Variants in LIMS4 observed in about 807,000 individuals in gnomAD.
LIMS4 encodes LIM zinc finger domain containing 4.
the LIMS4 span, among the ~76,000 whole-genome samples, chr2:110,368,240 T>C: frequency 1.4e-4 from 21 of 148,504 alleles, no homozygotes; most frequent in East Asian, 3.2e-3. Context: ...AGGAAACATA[T>C]ATTTATGAGC....
chr2:110,411,779 T>A, the LIMS4 span, among the ~76,000 whole-genome samples: 1 of 77,498 alleles, frequency 1.3e-5, no homozygotes, highest in Admixed American at 1.6e-4. Flanking sequence ...ATCTGCTGAT[T>A]CTATCATAAT....
At chr2:110,382,144 TATATATAC>T in the LIMS4 span, among the ~76,000 whole-genome samples, 23 of 91,824 alleles carry the variant, frequency 2.5e-4, no homozygotes, top group Admixed American at 2.6e-3. Context: ...TATATATATA[TATATATAC>T]ATGTTTGAAC....
At chr2:110,372,576 G>A in the LIMS4 span, among the ~76,000 whole-genome samples, 1 of 148,148 alleles carries the variant, frequency 6.8e-6, no homozygotes, top group Non-Finnish European at 1.5e-5. Flanking sequence ...TGCGATCTCT[G>A]CTCACTGCAA....
chr2:110,365,072 AT>A, the LIMS4 span, among the ~76,000 whole-genome samples: 1 of 139,626 alleles, frequency 7.2e-6, no homozygotes, highest in Non-Finnish European at 1.5e-5. Flanking sequence ...GGAGACTTAA[AT>A]TTCCACACAA....
the LIMS4 span, among the ~76,000 whole-genome samples, chr2:110,391,874 T>C: frequency 2.0e-5 from 3 of 150,076 alleles, no homozygotes; most frequent in Non-Finnish European, 2.9e-5. Flanking sequence ...AGAATTGACA[T>C]TTCCAAGTTC....
chr2:110,424,901 G>GA, the LIMS4 span, among the ~76,000 whole-genome samples: 27 of 143,338 alleles, frequency 1.9e-4, no homozygotes, highest in South Asian at 5.6e-3. Flanking sequence ...GGGGAGGATT[G>GA]AAAAAAGGGC....
the LIMS4 span, among the ~76,000 whole-genome samples, chr2:110,365,953 A>G: frequency 6.6e-6 from 1 of 150,872 alleles, no homozygotes; most frequent in African/African-American, 2.5e-5. Flanking sequence ...TGAAAACACA[A>G]CTCCCCAAAA....
At chr2:110,361,161 C>A in the LIMS4 span, 3 of 896,130 alleles carry the variant, frequency 3.3e-6, no homozygotes, top group South Asian at 4.1e-5. Flanking sequence ...AGGTCAGGGT[C>A]CTTGATGCCA....
chr2:110,368,069 CATTT>C, the LIMS4 span, among the ~76,000 whole-genome samples: 1 of 144,038 alleles, frequency 6.9e-6, no homozygotes, highest in Non-Finnish European at 1.5e-5. Context: ...ATAGTATAAA[CATTT>C]ATAGCATACA....
At chr2:110,407,764 C>A in the LIMS4 span, among the ~76,000 whole-genome samples, 2 of 89,068 alleles carry the variant, frequency 2.2e-5, no homozygotes, top group Non-Finnish European at 4.3e-5. Flanking sequence ...CAAAGCAAGA[C>A]CCTGTCTCAA....
chr2:110,453,682 A>AGGC (rs1345339091), intron 5 of LIMS4, among the ~76,000 whole-genome samples: 3 of 152,258 alleles, frequency 2.0e-5, no homozygotes, highest in African/African-American at 7.2e-5. Context: ...CTGGGACTAC[A>AGGC]GGCGCCCGCC....
chr2:110,361,055 A>G, the LIMS4 span: 9 of 1,211,166 alleles, frequency 7.4e-6, 1 homozygote, highest in Non-Finnish European at 1.1e-5. Context: ...CCTGAACTCC[A>G]GAACCGGTTC....
chr2:110,366,010 T>C, the LIMS4 span, among the ~76,000 whole-genome samples: 1 of 151,296 alleles, frequency 6.6e-6, no homozygotes, highest in Non-Finnish European at 1.5e-5. Context: ...ATAATGAGTT[T>C]TGAAATTGAA....
At chr2:110,371,498 T>G in the LIMS4 span, among the ~76,000 whole-genome samples, 1 of 128,916 alleles carries the variant, frequency 7.8e-6, no homozygotes. Flanking sequence ...TGACTAGAAC[T>G]TTACCTACAC....
the LIMS4 span, among the ~76,000 whole-genome samples, chr2:110,367,146 C>G: frequency 1.3e-5 from 2 of 150,942 alleles, no homozygotes; most frequent in East Asian, 1.9e-4. Context: ...TTGCCACATA[C>G]TATCAAAAGC....
the LIMS4 span, chr2:110,360,921 T>G: frequency 6.7e-7 from 1 of 1,494,398 alleles, no homozygotes; most frequent in East Asian, 2.3e-5. Context: ...CCATCCGATT[T>G]GTGCTGAGGG....
the LIMS4 span, among the ~76,000 whole-genome samples, chr2:110,389,780 C>T: frequency 4.8e-5 from 7 of 144,652 alleles, no homozygotes; most frequent in Admixed American, 1.4e-4. Context: ...GAAGCAGATC[C>T]TGGGTAGGTA....
At chr2:110,361,782 A>C in the LIMS4 span, 1 of 740,464 alleles carries the variant, frequency 1.4e-6, no homozygotes, top group Non-Finnish European at 2.3e-6. Context: ...CACATGGAAC[A>C]CTTATATATT....
At chr2:110,385,249 A>G in the LIMS4 span, among the ~76,000 whole-genome samples, 2 of 151,112 alleles carry the variant, frequency 1.3e-5, no homozygotes, top group Non-Finnish European at 2.9e-5. Context: ...GCTCTAGTTC[A>G]TAGTCCCCTT....
Sources: gnomAD v4.1 joint callset for allele counts (sites outside exome capture counted in the v4.1 genomes callset) on GRCh38, gnomAD v4.1.1 for gene constraint, MANE v1.5 for transcripts, NCBI Gene and HGNC (gene_info 2026-07-23, HGNC 2026-07-21) for gene names.